The following NRG3 variants were observed in gnomAD, a reference collection of about 807,000 sequenced individuals.
The protein encoded by NRG3 is neuregulin 3.
Under a neutral mutation model 66.9 loss-of-function variants are expected in NRG3, and 31 were observed. The ratio of observed to expected loss-of-function variants is 0.46; its 90% CI spans 0.35 to 0.63. The LOEUF is 0.63. Ranked by LOEUF, NRG3 falls within the 20% of genes least tolerant of loss-of-function variation. The probability of loss-of-function intolerance (pLI) is 0.00; values close to 1 mark genes in which losing one functional copy is unlikely to be tolerated. For missense variants in NRG3, 910 were observed against 878.9 expected, an observed-to-expected ratio of 1.04 and a Z score of -0.45; for synonymous variants, 393 against 359.4, an observed-to-expected ratio of 1.09 and a Z score of -1.06.
At chr10:82,164,246 A>G (rs1341412271) in intron 1 of NRG3, among the ~76,000 whole-genome samples, 1 of 152,132 alleles carries the variant, frequency 6.6e-6, no homozygotes, top group Non-Finnish European at 1.5e-5. Flanking sequence ...TAATATTTGT[A>G]CATAATTATG....
rs191128619 is a variant in NRG3 at position 82,120,190 on chromosome 10, C to T, written c.824-238549C>T. 6.9e-4 allele frequency among the ~76,000 whole-genome samples: 105 copies of T among 152,172 alleles called. 1 individual carries two copies. In the South Asian group the frequency reaches 0.018, roughly 26 times the overall value. On this transcript the variant is annotated intron_variant, in intron 1 of 8. Coordinates refer to ENST00000372141, the MANE Select transcript of NRG3 (RefSeq NM_001010848.4). ...CAGCTCCTCCACAGAAAGTCCGAGC[C>T]GTTTCTTCTCCCAGAAAGTGACCCA...
intron 1 of NRG3, among the ~76,000 whole-genome samples, chr10:82,104,297 A>G (rs993871555): frequency 5.3e-5 from 8 of 152,198 alleles, no homozygotes; most frequent in Non-Finnish European, 7.4e-5. Flanking sequence ...CTATACAGCC[A>G]TGAGATGCTG....
chr10:82,864,839 G>C (rs1840549982), intron 3 of NRG3, among the ~76,000 whole-genome samples: 1 of 152,126 alleles, frequency 6.6e-6, no homozygotes, highest in Admixed American at 6.5e-5. Context: ...CTCAGATTTT[G>C]TAACCTATGT....
chr10:82,241,800 A>C (rs548916183), intron 1 of NRG3, among the ~76,000 whole-genome samples: 88 of 152,284 alleles, frequency 5.8e-4, no homozygotes, highest in Admixed American at 9.8e-4. Flanking sequence ...TTCTTTTGGA[A>C]GTACATCGCG....
At chr10:82,805,320 CT>C (rs1010667416) in intron 3 of NRG3, among the ~76,000 whole-genome samples, 2 of 152,118 alleles carry the variant, frequency 1.3e-5, no homozygotes, top group African/African-American at 4.8e-5. Context: ...CCACTATCAG[CT>C]TTGTGTCTCA....
chr10:81,937,307 T>C (rs779638363), intron 1 of NRG3, among the ~76,000 whole-genome samples: 6 of 152,140 alleles, frequency 3.9e-5, no homozygotes, highest in Non-Finnish European at 5.9e-5. Context: ...ATGGGATAGC[T>C]AGAGGATATG....
chr10:82,461,098 C>T (rs188416168), intron 2 of NRG3, among the ~76,000 whole-genome samples: 103 of 152,050 alleles, frequency 6.8e-4, no homozygotes, highest in Admixed American at 1.8e-3. Context: ...CTGCTGCCAC[C>T]ACCATCAAAA....
At chr10:82,460,196 G>A (rs899535381) in intron 2 of NRG3, among the ~76,000 whole-genome samples, 3 of 152,152 alleles carry the variant, frequency 2.0e-5, no homozygotes, top group African/African-American at 7.2e-5. Flanking sequence ...TATGTTTTGA[G>A]GACTGAGTTG....
intron 2 of NRG3, among the ~76,000 whole-genome samples, chr10:82,444,292 G>A (rs551461866): frequency 2.0e-4 from 30 of 151,986 alleles, no homozygotes; most frequent in Non-Finnish European, 3.8e-4. Context: ...TAGTAGAGAC[G>A]GGGTTTCACC....
intron 3 of NRG3, among the ~76,000 whole-genome samples, chr10:82,765,138 A>C (rs1268182113): frequency 6.6e-6 from 1 of 152,190 alleles, no homozygotes; most frequent in Non-Finnish European, 1.5e-5. Context: ...TGAGAAAACC[A>C]GAACAAAAAC....
chr10:82,238,003 T>C (rs2076837434), intron 1 of NRG3, among the ~76,000 whole-genome samples: 1 of 152,198 alleles, frequency 6.6e-6, no homozygotes, highest in Non-Finnish European at 1.5e-5. Context: ...AAGATGTCTT[T>C]CAGCAATCTT....
chr10:82,409,162 CTA>C (rs1175118241), intron 2 of NRG3, among the ~76,000 whole-genome samples: 1 of 152,104 alleles, frequency 6.6e-6, no homozygotes, highest in Non-Finnish European at 1.5e-5. Context: ...GTTATCAAGA[CTA>C]TCTACCAATT....
At chr10:82,466,267 G>A (rs982690431) in intron 2 of NRG3, among the ~76,000 whole-genome samples, 3 of 152,132 alleles carry the variant, frequency 2.0e-5, no homozygotes, top group Admixed American at 6.5e-5. Flanking sequence ...GCCTGCCAGA[G>A]TCATGAACTC....
Position 82,579,166 on chromosome 10 carries a change from A to T in NRG3, c.954-159411A>T, listed in dbSNP as rs569660633. ...GAATTTCTAATTAAAATCATCCTTA[A>T]AAAAAACAGCCAATGCCAATGGAAG... On this transcript the variant is annotated intron_variant, in intron 2 of 8. Transcript: ENST00000372141. 4.7e-4 allele frequency among the ~76,000 whole-genome samples: 72 copies of T among 151,932 alleles called. 1 individual carries two copies. Among genetic ancestry groups the T allele is most frequent in the Non-Finnish European group, 9.1e-4 (62 of 67,872 alleles).
At chr10:82,374,135 A>G (rs1193891585) in intron 2 of NRG3, among the ~76,000 whole-genome samples, 1 of 152,240 alleles carries the variant, frequency 6.6e-6, no homozygotes, top group Non-Finnish European at 1.5e-5. Context: ...GGTGTTAAAA[A>G]TGAGACAGAA....
At chr10:82,160,900 A>T (rs2071543145) in intron 1 of NRG3, among the ~76,000 whole-genome samples, 1 of 152,020 alleles carries the variant, frequency 6.6e-6, no homozygotes, top group Non-Finnish European at 1.5e-5. Flanking sequence ...GGAAATATAA[A>T]CTAGAATAAA....
chr10:82,500,636 TAAG>T (rs35173752), intron 2 of NRG3, among the ~76,000 whole-genome samples: 85,743 of 151,690 alleles, frequency 0.57, 28,132 homozygotes, highest in South Asian at 0.77. Flanking sequence ...CCTTTGGCAA[TAAG>T]GAGGAAGCAG....
intron 2 of NRG3, among the ~76,000 whole-genome samples, chr10:82,408,081 G>GAGAGAGAAAGAA (rs1564888020): frequency 9.0e-5 from 6 of 67,028 alleles, no homozygotes; most frequent in Non-Finnish European, 1.7e-4. Context: ...GAGAGAGAGA[G>GAGAGAGAAAGAA]AGACAGAAAG....
intron 2 of NRG3, among the ~76,000 whole-genome samples, chr10:82,436,773 T>A (rs1044202320): frequency 7.2e-5 from 11 of 152,164 alleles, no homozygotes; most frequent in Admixed American, 6.5e-5. Flanking sequence ...TGGAAAGGAT[T>A]TTATTTCTCC....
Sources: gnomAD v4.1 joint callset for allele counts (sites outside exome capture counted in the v4.1 genomes callset) on GRCh38, gnomAD v4.1.1 for gene constraint, MANE v1.5 for transcripts, NCBI Gene and HGNC (gene_info 2026-07-23, HGNC 2026-07-21) for gene names.